ZNF396: variants seen among roughly 807,000 people sequenced by gnomAD.
ZNF396 encodes zinc finger and SCAN domain-containing protein 14.
ZNF396 carries 14 observed loss-of-function variants against 20.5 expected under a neutral mutation model. The ratio of observed to expected loss-of-function variants is 0.68; its 90% confidence interval spans 0.45 to 1.07. The LOEUF (loss-of-function observed/expected upper bound fraction) is 1.07, where lower values mean the gene tolerates loss of function less well. ZNF396 is among the 50% of genes least tolerant of loss of function. The pLI is 0.00. For synonymous variants in ZNF396, 119 were observed against 140.6 expected (o/e 0.85, Z 1.08); for missense variants, 347 against 390.1 (o/e 0.89, Z 0.93).
intron 3 of ZNF396, 91 bp from the exon 4 acceptor site, chr18:35,369,751 A>G: frequency 7.7e-7 from 1 of 1,306,692 alleles, no homozygotes. Context: ...ATAAAACAAC[A>G]CACAATGTGA....
intron 1 of ZNF396, 56 bp downstream of exon 1, chr18:35,377,221 CG>C: frequency 6.5e-6 from 1 of 152,770 alleles, no homozygotes. Flanking sequence ...TTCCACCACC[CG>C]GGGACCACCG....
rs2143907142 is a variant in ZNF396 at position 35,373,466 on chromosome 18, T to TA, written c.551dup (p.Leu184PhefsTer5). On this transcript the variant is annotated frameshift_variant, in exon 3 of 4. Transcript: ENST00000589332. LOFTEE classifies it low-confidence loss of function (END_TRUNC). ...ATCCTGCCCCCTCACCATGTGGTCT[T>TA]AAGGACTGAAGCTCCCATGATGCTC... 6.2e-7 allele frequency: 1 copy of TA among 1,613,874 alleles called. No individual in the cohort carries two copies. The highest frequency in any genetic ancestry group is 1.7e-5 in the Admixed American group (1 of 59,978).
Position 35,368,482 on chromosome 18 carries a change from T to TTTTG in ZNF396, c.*732_*733insCAAA. 1 of 338,396 alleles carries TTTTG rather than the reference T, an allele frequency of 3.0e-6. No homozygotes were observed. 21.0% of individuals were successfully genotyped at this position (338,396 alleles called of 1,614,324 possible). A position where few individuals can be genotyped will look rare whatever the true frequency, so the allele number is the denominator to read the frequency against. On this transcript the variant is annotated 3_prime_UTR_variant, in exon 4 of 4. Coordinates refer to ENST00000589332, the MANE Select transcript of ZNF396 (RefSeq NM_001322286.2). ...AGACAAAATAGGAATTTATTTTTAT[T>TTTTG]TTTATTTATTTATTTATTTATTTAT...
intron 1 of ZNF396, among the ~76,000 whole-genome samples, chr18:35,375,293 A>T (rs1158787931): frequency 1.1e-4 from 3 of 26,758 alleles, no homozygotes; most frequent in East Asian, 8.2e-4. Flanking sequence ...CCACCAAAAA[A>T]AAAAAAAAAA....
At chr18:35,376,072 T>TA (rs2045253345) in intron 1 of ZNF396, 1 of 152,012 alleles carries the variant, frequency 6.6e-6, no homozygotes, top group African/African-American at 2.4e-5. Context: ...GGGCAGGAGG[T>TA]ATATGATAGT....
chr18:35,370,748 C>T (rs1209785586), intron 3 of ZNF396, among the ~76,000 whole-genome samples: 1 of 151,718 alleles, frequency 6.6e-6, no homozygotes, highest in Non-Finnish European at 1.5e-5. Context: ...CTCCTGACCT[C>T]GTGATCCGCC....
At chr18:35,370,679 A>AT (rs1405049901) in intron 3 of ZNF396, among the ~76,000 whole-genome samples, 1 of 150,474 alleles carries the variant, frequency 6.6e-6, no homozygotes, top group Non-Finnish European at 1.5e-5. Flanking sequence ...CGCCCGGCTA[A>AT]TTTTTTGTAT....
At chr18:35,376,229 AGTT>A (rs1166283809) in intron 1 of ZNF396, 3 of 152,248 alleles carry the variant, frequency 2.0e-5, no homozygotes, top group Non-Finnish European at 4.4e-5. Context: ...GAGTTCATAA[AGTT>A]GTTACCAAAT....
At position 35,369,070 on chromosome 18, in the gene ZNF396, A is replaced by C. The variant is rs2045134999; in HGVS notation, c.*145T>G. 7.1e-7 allele frequency: 1 copy of C among 1,405,754 alleles called. No homozygotes were observed. The highest frequency in any genetic ancestry group is 1.5e-5 in the African/African-American group (1 of 68,818). The allele number at this position is 1,405,754 out of a possible 1,614,324, so 87.1% of individuals were successfully genotyped here. ...AAATAATGCTGACCTGAGATCTTCA[A>C]CCTTCTCTCCTGTGGCTTTCATGAG... On this transcript the variant is annotated 3_prime_UTR_variant, in exon 4 of 4. Transcript: ENST00000589332.
In ZNF396 at chr18:35,369,419, T is replaced by A; in HGVS notation, c.804A>T (p.Leu268Phe). 1 of 1,614,224 alleles carries A rather than the reference T, an allele frequency of 6.2e-7. No individual in the cohort carries two copies. The highest frequency in any genetic ancestry group is 8.5e-7 in the Non-Finnish European group (1 of 1,180,042). Reference sequence around the variant, plus strand: ...TCTTTCCACTGTGGATTCTCTGATGTAAAATAAGGGCTGAGCTCTGACTAA... The same window carrying A: ...TCTTTCCACTGTGGATTCTCTGATGAAAAATAAGGGCTGAGCTCTGACTAA... The part of the protein sequence containing the change: ...KIFSQSSALI[L>F]HQRIHSGKKP... The change falls in exon 4 of 4, where the codon TTA (leucine) becomes TTT (phenylalanine). Residue 268 changes from leucine (L) to phenylalanine (F), a missense_variant. Coordinates refer to ENST00000589332, the MANE Select transcript of ZNF396 (RefSeq NM_001322286.2).
In ZNF396 at chr18:35,373,505, C is replaced by T; in HGVS notation, c.513G>A (p.Lys171=). The change falls in exon 3 of 4, where the codon AAG becomes AAA. Residue 171 remains lysine (K), a synonymous_variant. Transcript: ENST00000589332. ...CCCATGATGCTCCCTGGAGCTGCTT[C>T]TTCACGGGCATGAGCTGGCTACTTG... ...ELPSSQLMPV[K]KQLQGASWEL... The T allele has an allele frequency of 6.2e-7, 1 of 1,614,130 alleles. No homozygotes were observed.
chr18:35,370,675 G>C (rs1396575221), intron 3 of ZNF396, among the ~76,000 whole-genome samples: 3 of 151,032 alleles, frequency 2.0e-5, no homozygotes, highest in African/African-American at 7.3e-5. Context: ...ACTACGCCCG[G>C]CTAATTTTTT....
rs780003016 is a variant in ZNF396, at chr18:35,369,490, G to A, written c.733C>T (p.Pro245Ser). 1 of 1,614,008 alleles carries A rather than the reference G, an allele frequency of 6.2e-7. No individual in the cohort carries two copies. Among genetic ancestry groups the A allele is most frequent in the Non-Finnish European group, 8.5e-7 (1 of 1,180,044 alleles). ...DGRFEKRQGN[P>S]SWKKQQKCDE... ...CATTTCTGTTGTTTTTTCCAAGAAG[G>A]GTTTCCTTGTCTCTTTTCAAACCTA... The change falls in exon 4 of 4, where the codon CCT (proline) becomes TCT (serine). Residue 245 changes from proline (P) to serine (S), a missense_variant. Pro to Ser is a moderately conservative substitution (Grantham distance 74). Transcript: ENST00000589332.
intron 1 of ZNF396, among the ~76,000 whole-genome samples, chr18:35,376,743 TC>T (rs1241589330): frequency 6.6e-6 from 1 of 152,118 alleles, no homozygotes; most frequent in Non-Finnish European, 1.5e-5. Flanking sequence ...GGCCGCCCTG[TC>T]ACTTCAGCAC....
chr18:35,374,523 G>C lies in ZNF396; in HGVS notation c.-72-159C>G, dbSNP rs1326889548. 5.6e-6 allele frequency: 2 copies of C among 354,594 alleles called. No individual in the cohort carries two copies. The highest frequency in any genetic ancestry group is 1.0e-5 in the Non-Finnish European group (2 of 190,890). The allele number at this position is 354,594 out of a possible 1,614,324, so 22.0% of individuals were successfully genotyped here. A position where few individuals can be genotyped will look rare whatever the true frequency, so the allele number is the denominator to read the frequency against. On this transcript the variant is annotated intron_variant, in intron 1 of 3. Coordinates refer to ENST00000589332, the MANE Select transcript of ZNF396 (RefSeq NM_001322286.2). This position sits in a 1 kb window ranked among gnomAD's most constrained non-coding sequence, Gnocchi z 4.3. The stretch of plus-strand genomic sequence containing the variant: ...TTTATTTATTTATTTTTGAGATGGA[G>C]TCTTGCTCTGTTGCCCAGGCTGGAG...
Position 35,374,288 on chromosome 18 carries a change from G to C in ZNF396, c.5C>G (p.Ser2Cys), listed in dbSNP as rs1316732961. M[S>C]AKLGKSSSLL... The stretch of plus-strand genomic sequence containing the variant: ...TGATGATGACTTTCCCAATTTTGCA[G>C]ACATTTTGACAGACAAATAGCTCAG... Residue 2 changes from serine to cysteine, a missense_variant, in exon 2 of 4, where the codon TCT (serine) becomes TGT (cysteine). Physicochemically the swap from Ser to Cys is moderately radical, Grantham distance 112. Transcript: ENST00000589332. The surrounding 1 kb of genome is among the most constrained non-coding windows in gnomAD (Gnocchi z 4.3). 6.2e-7 allele frequency: 1 copy of C among 1,612,616 alleles called. No homozygotes were observed. Among genetic ancestry groups the C allele is most frequent in the Non-Finnish European group, 8.5e-7 (1 of 1,179,720 alleles).
intron 1 of ZNF396, among the ~76,000 whole-genome samples, chr18:35,375,763 G>A (rs1373410889): frequency 6.6e-6 from 1 of 152,096 alleles, no homozygotes; most frequent in Non-Finnish European, 1.5e-5. Context: ...TTTTGTTTGA[G>A]ACAGAGTCTG....
intron 1 of ZNF396, among the ~76,000 whole-genome samples, chr18:35,375,143 A>T (rs760231892): frequency 1.3e-5 from 2 of 152,064 alleles, no homozygotes; most frequent in African/African-American, 2.4e-5. Context: ...CATTAAAAAA[A>T]AAATAAACCA....
intron 3 of ZNF396, among the ~76,000 whole-genome samples, chr18:35,369,867 A>G (rs1424270454): frequency 6.6e-6 from 1 of 152,242 alleles, no homozygotes; most frequent in African/African-American, 2.4e-5. Flanking sequence ...GCAAAGTTCT[A>G]TGGAAAAGAC....
Sources: gnomAD v4.1 joint callset for allele counts (sites outside exome capture counted in the v4.1 genomes callset) on GRCh38, gnomAD v4.1.1 for gene constraint, Gnocchi (gnomAD v3.1) non-coding constraint, MANE v1.5 for transcripts, NCBI Gene and HGNC (gene_info 2026-07-23, HGNC 2026-07-21) for gene names.